Variants in SPAG16 observed in about 807,000 individuals in gnomAD.
SPAG16 encodes the protein sperm-associated antigen 16 protein.
SPAG16 carries 86 observed loss-of-function variants against 80.4 expected under a neutral mutation model. That is an observed-to-expected ratio of 1.07 (90% confidence interval 0.90 to 1.28). The LOEUF is 1.28. SPAG16 is among the 50% of genes most tolerant of loss of function. SPAG16 has a pLI of 0.00. For synonymous variants in SPAG16, 294 were observed against 265.9 expected, an observed-to-expected ratio of 1.11 and a Z score of -1.03; for missense variants, 870 against 765.3, an observed-to-expected ratio of 1.14 and a Z score of -1.61.
intron 14 of SPAG16, among the ~76,000 whole-genome samples, chr2:214,136,122 C>G (rs1053170637): frequency 3.3e-5 from 5 of 151,986 alleles, no homozygotes; most frequent in African/African-American, 1.2e-4. Flanking sequence ...AAGCAGCTCT[C>G]ACAGAAACTA....
At chr2:214,078,279 G>A (rs2051185341) in intron 13 of SPAG16, among the ~76,000 whole-genome samples, 1 of 152,126 alleles carries the variant, frequency 6.6e-6, no homozygotes. Context: ...TAGGCCAGGT[G>A]TGGTGTCTCA....
At chr2:214,241,884 T>C (rs1689520050) in intron 15 of SPAG16, among the ~76,000 whole-genome samples, 1 of 127,710 alleles carries the variant, frequency 7.8e-6, no homozygotes, top group African/African-American at 3.4e-5. Context: ...GAAATGTAAG[T>C]TGTATAAAAA....
intron 1 of SPAG16, among the ~76,000 whole-genome samples, chr2:213,286,427 T>C (rs1371833509): frequency 6.6e-6 from 1 of 152,234 alleles, no homozygotes; most frequent in Admixed American, 6.5e-5. Flanking sequence ...GGATTACTTG[T>C]GAATACCAAT....
chr2:213,300,207 T>G (rs942860082), intron 3 of SPAG16, among the ~76,000 whole-genome samples: 1 of 152,300 alleles, frequency 6.6e-6, no homozygotes, highest in Admixed American at 6.5e-5. Flanking sequence ...AATTGTTCAA[T>G]TCCCTGATGC....
intron 10 of SPAG16, among the ~76,000 whole-genome samples, chr2:213,782,897 TAA>T (rs1272647520): frequency 1.3e-5 from 2 of 152,188 alleles, no homozygotes; most frequent in African/African-American, 4.8e-5. Context: ...GGTGCTTCTG[TAA>T]AAGAGTTCTA....
chr2:214,269,295 G>C (rs2125888754), intron 15 of SPAG16, among the ~76,000 whole-genome samples: 1 of 151,958 alleles, frequency 6.6e-6, no homozygotes, highest in East Asian at 1.9e-4. Flanking sequence ...TCATAACTTA[G>C]AGAAGAAAAT....
rs555426844 is a variant in SPAG16, at chr2:214,348,143, T to A, written c.1721-61997T>A. Among the ~76,000 whole-genome samples the A allele has an allele frequency of 9.2e-5, 14 of 152,312 alleles. No individual in the cohort carries two copies. In the South Asian group the frequency reaches 2.7e-3, roughly 29 times the overall value. ...GGTTGTGTGGAGGGCAGATAACTTG[T>A]CTGTTTCACAAGGTGTCACATGAAG... is the stretch of plus-strand genomic sequence containing the variant. On this transcript the variant is annotated intron_variant, in intron 15 of 15. Coordinates refer to ENST00000331683, the MANE Select transcript of SPAG16 (RefSeq NM_024532.5).
intron 9 of SPAG16, among the ~76,000 whole-genome samples, chr2:213,487,353 G>T (rs1024257674): frequency 1.3e-5 from 2 of 151,940 alleles, no homozygotes; most frequent in African/African-American, 4.8e-5. Flanking sequence ...ACAAAAAAAG[G>T]TTATGTTTTT....
chr2:214,120,140 T>A (rs2054144362), intron 14 of SPAG16, among the ~76,000 whole-genome samples: 1 of 151,872 alleles, frequency 6.6e-6, no homozygotes, highest in Non-Finnish European at 1.5e-5. Context: ...CTCTCTAGTA[T>A]CTCTTTTAGG....
At chr2:214,161,088 T>C (rs1253305688) in intron 15 of SPAG16, among the ~76,000 whole-genome samples, 3 of 152,146 alleles carry the variant, frequency 2.0e-5, no homozygotes, top group Non-Finnish European at 4.4e-5. Flanking sequence ...TTGCTGAAGA[T>C]AATGGCTTCC....
intron 13 of SPAG16, among the ~76,000 whole-genome samples, chr2:214,062,222 C>T (rs1255399727): frequency 6.6e-6 from 1 of 151,822 alleles, no homozygotes; most frequent in Non-Finnish European, 1.5e-5. Flanking sequence ...GAGTTCGAGA[C>T]CAGCCTGGAC....
chr2:213,839,383 A>AT (rs1299884128), intron 10 of SPAG16, among the ~76,000 whole-genome samples: 2 of 152,090 alleles, frequency 1.3e-5, no homozygotes, highest in Admixed American at 1.3e-4. Context: ...ATGAGAAAAC[A>AT]TTTTTTTATG....
intron 15 of SPAG16, among the ~76,000 whole-genome samples, chr2:214,403,647 G>A (rs1462016556): frequency 2.0e-5 from 3 of 152,076 alleles, no homozygotes; most frequent in Non-Finnish European, 2.9e-5. Flanking sequence ...ATGAGATAAT[G>A]CAAGTAAAGG....
intron 15 of SPAG16, among the ~76,000 whole-genome samples, chr2:214,183,284 C>A (rs183199825): frequency 1.1e-4 from 17 of 151,896 alleles, no homozygotes; most frequent in Admixed American, 8.6e-4. Flanking sequence ...ATTACTATGC[C>A]CTATTATAGA....
At chr2:214,201,953 C>T (rs912221782) in intron 15 of SPAG16, among the ~76,000 whole-genome samples, 2 of 152,102 alleles carry the variant, frequency 1.3e-5, no homozygotes, top group South Asian at 4.1e-4. Context: ...TCAAGTGATC[C>T]TCCCACCTCA....
chr2:214,099,879 A>G (rs1470895043), intron 13 of SPAG16, among the ~76,000 whole-genome samples: 1 of 152,158 alleles, frequency 6.6e-6, no homozygotes, highest in Non-Finnish European at 1.5e-5. Flanking sequence ...TTACACAGAT[A>G]TATACACAGA....
rs1382192412 is a variant in SPAG16 at position 213,317,499 on chromosome 2, A to G, written c.536+143A>G. The G allele has an allele frequency of 5.2e-6, 7 of 1,346,846 alleles. No homozygotes were observed. The East Asian group carries it at 7.7e-5, about 15-fold the overall frequency. The allele number at this position is 1,346,846 out of a possible 1,614,324, so 83.4% of individuals were successfully genotyped here. On this transcript the variant is annotated intron_variant, in intron 5 of 15. Transcript: ENST00000331683. ...AGTTGTAAAGAATGTGAGAGGCTTC[A>G]TTAGCAAATTAATTAAACAGATGAT...
intron 3 of SPAG16, among the ~76,000 whole-genome samples, chr2:213,299,341 C>T (rs566224325): frequency 2.0e-5 from 3 of 147,306 alleles, no homozygotes; most frequent in South Asian, 2.1e-4. Context: ...CTCACTCTGT[C>T]GCCCAGGCTG....
At position 214,137,544 on chromosome 2, in the gene SPAG16, A is replaced by G. The variant is rs13383548; in HGVS notation, c.1594-11596A>G. Among the ~76,000 whole-genome samples the G allele has an allele frequency of 7.6e-3, 1,156 of 152,184 alleles. 23 individuals are homozygous for G. Among genetic ancestry groups the G allele is most frequent in the African/African-American group, 0.026 (1,090 of 41,532 alleles). On this transcript the variant is annotated intron_variant, in intron 14 of 15. Transcript: ENST00000331683. ...AAATTTGTATCTTATTGACTATTTA[A>G]TGTATCCTGATGGGGAAATATTTTC...
Sources: allele counts gnomAD v4.1 joint callset (sites outside exome capture counted in the v4.1 genomes callset), GRCh38; gene constraint gnomAD v4.1.1; transcripts MANE v1.5; gene names NCBI Gene and HGNC (gene_info 2026-07-23, HGNC 2026-07-21).